Variants in RAB30 observed in about 807,000 individuals in gnomAD.
The protein encoded by RAB30 is RAB30, member RAS oncogene family.
Under a neutral mutation model 25.1 loss-of-function variants are expected in RAB30, and 9 were observed. The observed-to-expected ratio is 0.36, with a 90% confidence interval of 0.22 to 0.63. The LOEUF (loss-of-function observed/expected upper bound fraction) is 0.63, where lower values mean the gene tolerates loss of function less well. Ranked by LOEUF, RAB30 falls within the 20% of genes least tolerant of loss-of-function variation. The pLI, the probability that RAB30 is intolerant of heterozygous loss-of-function variation, is 0.69. For synonymous variants in RAB30, 77 were observed against 86.4 expected (o/e 0.89, Z 0.60); for missense variants, 140 against 243.5 (o/e 0.58, Z 2.83).
rs2121421422 is a variant in RAB30 at position 82,978,538 on chromosome 11, GTGGC to G, written c.*3623_*3626del. 6.6e-6 allele frequency: 1 copy of G among 150,564 alleles called. No homozygotes were observed. Among genetic ancestry groups the G allele is most frequent in the Admixed American group, 6.7e-5 (1 of 15,034 alleles). 9.3% of individuals were successfully genotyped at this position (150,564 alleles called of 1,614,324 possible). A position where few individuals can be genotyped will look rare whatever the true frequency, so the allele number is the denominator to read the frequency against. On this transcript the variant is annotated 3_prime_UTR_variant, in exon 5 of 5. Transcript: ENST00000527633. ...TTTCTGATTGTGCTATTTCATTCAT[GTGGC>G]TTGGCTTAAAAGAAGATGTTTCACT...
rs1180287882 is a variant in RAB30 at position 82,974,442 on chromosome 11, AAAAGATC to A, written c.*7716_*7722del. 3.9e-5 allele frequency: 6 copies of A among 152,170 alleles called. No individual in the cohort carries two copies. Among genetic ancestry groups the A allele is most frequent in the Non-Finnish European group, 8.8e-5 (6 of 68,008 alleles). 9.4% of individuals were successfully genotyped at this position (152,170 alleles called of 1,614,324 possible). A position where few individuals can be genotyped will look rare whatever the true frequency, so the allele number is the denominator to read the frequency against. On this transcript the variant is annotated 3_prime_UTR_variant, in exon 5 of 5. Transcript: ENST00000527633. ...TTTCTAACAGGCTTTTTGTTAAGTA[AAAAGATC>A]AATATATGAACACATAAAATATGAT... is the stretch of plus-strand genomic sequence containing the variant.
At chr11:83,009,847 C>A (rs1857267312) in intron 1 of RAB30, among the ~76,000 whole-genome samples, 1 of 152,188 alleles carries the variant, frequency 6.6e-6, no homozygotes, top group Non-Finnish European at 1.5e-5. Context: ...GGTCCACACA[C>A]TTCAACCCAG....
chr11:82,983,562 G>A (rs1856680963), intron 4 of RAB30, among the ~76,000 whole-genome samples: 1 of 151,764 alleles, frequency 6.6e-6, no homozygotes, highest in African/African-American at 2.4e-5. Flanking sequence ...CTCCCAAGTA[G>A]CTGGGACTAC....
chr11:83,016,294 G>A (rs1271224095), intron 1 of RAB30, among the ~76,000 whole-genome samples: 1 of 152,080 alleles, frequency 6.6e-6, no homozygotes, highest in African/African-American at 2.4e-5. Flanking sequence ...CCAAAACTAT[G>A]GACAACTTAT....
At chr11:83,052,946 A>G (rs1417658466) in intron 1 of RAB30, among the ~76,000 whole-genome samples, 1 of 152,176 alleles carries the variant, frequency 6.6e-6, no homozygotes, top group Non-Finnish European at 1.5e-5. Context: ...CAATATTAAT[A>G]TATTAATGTT....
chr11:83,004,173 A>T (rs1339036566), intron 1 of RAB30, among the ~76,000 whole-genome samples: 3 of 152,210 alleles, frequency 2.0e-5, no homozygotes, highest in African/African-American at 7.2e-5. Context: ...TTAGTGTAGT[A>T]AACACTATTA....
chr11:83,063,919 C>G (rs1858637144), intron 1 of RAB30, among the ~76,000 whole-genome samples: 1 of 151,980 alleles, frequency 6.6e-6, no homozygotes, highest in African/African-American at 2.4e-5. Flanking sequence ...GGGAAATGCC[C>G]AAAATATATT....
intron 4 of RAB30, among the ~76,000 whole-genome samples, chr11:82,986,541 A>T (rs1428263030): frequency 1.3e-5 from 2 of 152,246 alleles, no homozygotes; most frequent in East Asian, 1.9e-4. Flanking sequence ...AAGGTTCAAC[A>T]TTGTCCAAAA....
intron 1 of RAB30, among the ~76,000 whole-genome samples, chr11:83,042,462 C>CAGG (rs199508170): frequency 0.058 from 8,846 of 151,918 alleles, 818 homozygotes; most frequent in African/African-American, 0.2. Flanking sequence ...GAGGCTGAGG[C>CAGG]AGAATTGTTT....
rs1856624349 is a variant in RAB30, at chr11:82,980,823, T to TGGGAGGGAAGGA, written c.*1330_*1341dup. On this transcript the variant is annotated 3_prime_UTR_variant, in exon 5 of 5. Transcript: ENST00000527633. ...TTGCAGTAACACAGGCATATAAGGA[T>TGGGAGGGAAGGA]GGGAGGGAAGGAGGGAGGGAGGGAG... The TGGGAGGGAAGGA allele has an allele frequency of 8.4e-6, 1 of 118,674 alleles. No individual in the cohort carries two copies. The highest frequency in any genetic ancestry group is 3.0e-4 in the South Asian group (1 of 3,364). 7.4% of individuals were successfully genotyped at this position (118,674 alleles called of 1,614,324 possible). A position where few individuals can be genotyped will look rare whatever the true frequency, so the allele number is the denominator to read the frequency against.
At chr11:83,067,709 C>A (rs568539942) in intron 1 of RAB30, among the ~76,000 whole-genome samples, 3 of 152,024 alleles carry the variant, frequency 2.0e-5, no homozygotes, top group African/African-American at 7.2e-5. Flanking sequence ...AAGTTAGTGT[C>A]GGCCGGGCAT....
chr11:82,988,959 C>T (rs1247813725), intron 3 of RAB30, among the ~76,000 whole-genome samples: 1 of 147,626 alleles, frequency 6.8e-6, no homozygotes, highest in African/African-American at 2.5e-5. Flanking sequence ...ACCTGACATG[C>T]CTGAATCATT....
At chr11:82,990,120 C>G (rs552667041) in intron 3 of RAB30, among the ~76,000 whole-genome samples, 16 of 152,344 alleles carry the variant, frequency 1.1e-4, no homozygotes, top group Non-Finnish European at 1.6e-4. Flanking sequence ...TAGCCACGGG[C>G]TTTCTAACCA....
chr11:83,022,423 T>C (rs942596228), intron 1 of RAB30, among the ~76,000 whole-genome samples: 12 of 152,050 alleles, frequency 7.9e-5, no homozygotes, highest in Non-Finnish European at 1.5e-4. Context: ...CTTCCCAAAG[T>C]GTTGGTATTA....
At chr11:82,998,389 T>C (rs986911654) in intron 1 of RAB30, among the ~76,000 whole-genome samples, 1 of 151,668 alleles carries the variant, frequency 6.6e-6, no homozygotes, top group Admixed American at 6.6e-5. Flanking sequence ...AAAAGAACCT[T>C]ATACAAAAAT....
At chr11:83,030,392 G>A (rs910099820) in intron 1 of RAB30, among the ~76,000 whole-genome samples, 52 of 151,956 alleles carry the variant, frequency 3.4e-4, no homozygotes, top group African/African-American at 1.3e-3. Flanking sequence ...CAGCTTCTTG[G>A]GAGCCTGAGG....
At chr11:83,064,714 C>T (rs1050093271) in intron 1 of RAB30, among the ~76,000 whole-genome samples, 4 of 152,192 alleles carry the variant, frequency 2.6e-5, no homozygotes, top group Non-Finnish European at 5.9e-5. Flanking sequence ...TTTGCTATGA[C>T]ATTCCTGAAG....
At chr11:83,047,223 C>T (rs1288384899) in intron 1 of RAB30, among the ~76,000 whole-genome samples, 1 of 152,034 alleles carries the variant, frequency 6.6e-6, no homozygotes, top group Non-Finnish European at 1.5e-5. Context: ...TCTTATTGGC[C>T]TTTTGGATGA....
At chr11:83,058,312 C>T (rs1858497213) in intron 1 of RAB30, among the ~76,000 whole-genome samples, 1 of 152,134 alleles carries the variant, frequency 6.6e-6, no homozygotes, top group African/African-American at 2.4e-5. Flanking sequence ...TCAAACTTCA[C>T]CAATTAACCA....
Sources: gnomAD v4.1 joint callset for allele counts (sites outside exome capture counted in the v4.1 genomes callset) on GRCh38, gnomAD v4.1.1 for gene constraint, MANE v1.5 for transcripts, NCBI Gene and HGNC (gene_info 2026-07-23, HGNC 2026-07-21) for gene names.